SMURF1: variants seen among roughly 807,000 people sequenced by gnomAD.
SMURF1 encodes E3 ubiquitin-protein ligase SMURF1.
A neutral mutation model predicts 98.0 loss-of-function variants in SMURF1; 44 were observed. The ratio of observed to expected loss-of-function variants is 0.45; its 90% CI spans 0.35 to 0.58. The LOEUF is 0.58. Ranked by LOEUF, SMURF1 falls within the 20% of genes least tolerant of loss-of-function variation. The probability of loss-of-function intolerance (pLI) is 0.00; values close to 1 mark genes in which losing one functional copy is unlikely to be tolerated. For synonymous variants in SMURF1, 396 were observed against 374.9 expected (o/e 1.06, Z -0.65); for missense variants, 687 against 938.4 (o/e 0.73, Z 3.50).
chr7:99,052,386 G>A lies in SMURF1; in HGVS notation c.540C>T (p.Ala180=), dbSNP rs1795779559. 6.2e-7 allele frequency: 1 copy of A among 1,609,252 alleles called. No individual in the cohort carries two copies. The highest frequency in any genetic ancestry group is 1.7e-5 in the Admixed American group (1 of 59,480). The change falls in exon 7 of 18, where the codon GCC becomes GCT. Residue 180 remains alanine (A), a synonymous_variant. Transcript: ENST00000361368. Reference sequence around the variant, plus strand: ...CAGCACCGGTGCTATCTGTGTAAGGGGCTGGTTCCTCCATGAAGCAGCTGA... The same window carrying A: ...CAGCACCGGTGCTATCTGTGTAAGGAGCTGGTTCCTCCATGAAGCAGCTGA... ...RPLSCFMEEP[A]PYTDSTGAAA...
At chr7:99,082,538 A>T (rs1333978001) in intron 1 of SMURF1, among the ~76,000 whole-genome samples, 1 of 152,300 alleles carries the variant, frequency 6.6e-6, no homozygotes, top group East Asian at 1.9e-4. Flanking sequence ...ATGAGGACTT[A>T]TTTCTGGATT....
At chr7:99,047,005 G>A (rs1795604344) in intron 10 of SMURF1, among the ~76,000 whole-genome samples, 1 of 152,182 alleles carries the variant, frequency 6.6e-6, no homozygotes, top group Middle Eastern at 3.2e-3. Context: ...AGTCTCCTTT[G>A]ATCATTTCTG....
intron 1 of SMURF1, among the ~76,000 whole-genome samples, chr7:99,077,312 CTTTT>C (rs914687646): frequency 1.3e-5 from 2 of 149,624 alleles, no homozygotes; most frequent in African/African-American, 2.4e-5. Flanking sequence ...TAATCCACTT[CTTTT>C]TTTTTATTTT....
chr7:99,109,037 C>A (rs149662199), intron 1 of SMURF1, among the ~76,000 whole-genome samples: 7 of 152,308 alleles, frequency 4.6e-5, no homozygotes, highest in Admixed American at 1.3e-4. Flanking sequence ...TATACTCTCT[C>A]TATAACGCTG....
chr7:99,061,358 C>T (rs1796031262), intron 2 of SMURF1, among the ~76,000 whole-genome samples: 1 of 152,164 alleles, frequency 6.6e-6, no homozygotes, highest in South Asian at 2.1e-4. Flanking sequence ...TGATTCCTTC[C>T]TTTAGAAAAG....
chr7:99,100,297 G>A (rs1250027911), intron 1 of SMURF1, among the ~76,000 whole-genome samples: 1 of 152,236 alleles, frequency 6.6e-6, no homozygotes, highest in Non-Finnish European at 1.5e-5. Context: ...GCTCACGCCT[G>A]TAATCCTAGT....
At chr7:99,049,779 C>G in intron 8 of SMURF1, 70 bp from the exon 9 acceptor site, 1 of 1,454,322 alleles carries the variant, frequency 6.9e-7, no homozygotes, top group East Asian at 2.3e-5. Flanking sequence ...AAGTCAGCAA[C>G]AGAAGCCACA....
At chr7:99,073,785 G>C (rs1297136484) in intron 1 of SMURF1, among the ~76,000 whole-genome samples, 1 of 151,782 alleles carries the variant, frequency 6.6e-6, no homozygotes, top group Non-Finnish European at 1.5e-5. Flanking sequence ...AAAAAAATTG[G>C]TCATGACCCA....
intron 1 of SMURF1, among the ~76,000 whole-genome samples, chr7:99,112,358 G>A (rs573477921): frequency 5.2e-4 from 79 of 152,304 alleles, no homozygotes; most frequent in African/African-American, 1.8e-3. Flanking sequence ...CATTCCAGAC[G>A]TGTAAATAAA....
intron 1 of SMURF1, chr7:99,120,573 C>T (rs1321850670): frequency 6.6e-6 from 1 of 150,964 alleles, no homozygotes; most frequent in Non-Finnish European, 1.5e-5. Context: ...CCAAAGAAGC[C>T]GAGAGTGAGA....
chr7:99,114,310 A>T (rs1305166388), intron 1 of SMURF1, among the ~76,000 whole-genome samples: 2 of 152,176 alleles, frequency 1.3e-5, no homozygotes, highest in African/African-American at 4.8e-5. Context: ...GGTTGAAAAT[A>T]GAAGGATAGA....
chr7:99,130,072 T>C (rs1311257093), intron 1 of SMURF1, among the ~76,000 whole-genome samples: 1 of 152,192 alleles, frequency 6.6e-6, no homozygotes, highest in African/African-American at 2.4e-5. Context: ...CAGCATGTAT[T>C]TCTCTCTCTT....
chr7:99,082,194 C>G (rs1025761144), intron 1 of SMURF1, among the ~76,000 whole-genome samples: 8 of 152,314 alleles, frequency 5.3e-5, no homozygotes, highest in African/African-American at 1.9e-4. Flanking sequence ...AGACCCTTTT[C>G]AAACATAATT....
chr7:99,121,553 C>G (rs935050819), intron 1 of SMURF1, among the ~76,000 whole-genome samples: 1 of 152,128 alleles, frequency 6.6e-6, no homozygotes. Context: ...CTCCTCTTCT[C>G]CCCGCCCCCA....
chr7:99,102,988 G>T (rs564451051), intron 1 of SMURF1, among the ~76,000 whole-genome samples: 1 of 151,686 alleles, frequency 6.6e-6, no homozygotes, highest in South Asian at 2.1e-4. Flanking sequence ...ATCTTTAGGG[G>T]AAATAGGTTC....
intron 1 of SMURF1, among the ~76,000 whole-genome samples, chr7:99,104,040 C>G (rs1480651478): frequency 6.6e-6 from 1 of 151,998 alleles, no homozygotes; most frequent in South Asian, 2.1e-4. Flanking sequence ...GCGTGCGTCA[C>G]CACGCCTGGG....
intron 1 of SMURF1, among the ~76,000 whole-genome samples, chr7:99,093,495 A>G (rs999746616): frequency 2.7e-4 from 40 of 146,186 alleles, no homozygotes; most frequent in Admixed American, 4.8e-4. Context: ...AGTCAATAAA[A>G]TGCAACAAAG....
intron 1 of SMURF1, among the ~76,000 whole-genome samples, chr7:99,072,638 T>C (rs906427404): frequency 3.3e-5 from 5 of 151,896 alleles, no homozygotes; most frequent in African/African-American, 1.2e-4. Flanking sequence ...CAAAATTCTA[T>C]GTCAAAAAAA....
intron 6 of SMURF1, among the ~76,000 whole-genome samples, 184 bp from the exon 7 acceptor site, chr7:99,052,630 A>G (rs1584462041): frequency 6.6e-6 from 1 of 152,132 alleles, no homozygotes; most frequent in Admixed American, 6.5e-5. Context: ...AGAAAGACAG[A>G]CTCTTCTAAG....
Sources: allele counts gnomAD v4.1 joint callset (sites outside exome capture counted in the v4.1 genomes callset), GRCh38; gene constraint gnomAD v4.1.1; transcripts MANE v1.5; gene names NCBI Gene and HGNC (gene_info 2026-07-23, HGNC 2026-07-21).